Variants in CCDC30 observed in about 807,000 individuals in gnomAD.
CCDC30 encodes coiled-coil domain-containing protein 30.
Under a neutral mutation model 100.2 loss-of-function variants are expected in CCDC30, and 70 were observed. That is an observed-to-expected ratio of 0.70 (90% CI 0.58 to 0.85). CCDC30 has a LOEUF of 0.85. Ranked by LOEUF, CCDC30 falls within the 40% of genes least tolerant of loss-of-function variation. CCDC30 has a pLI of 0.00. For synonymous variants in CCDC30, 233 were observed against 269.5 expected, an observed-to-expected ratio of 0.86 and a Z score of 1.33; for missense variants, 652 against 771.2, an observed-to-expected ratio of 0.85 and a Z score of 1.83.
At chr1:42,456,550 G>T in the CCDC30 span, 1 of 1,453,512 alleles carries the variant, frequency 6.9e-7, no homozygotes. Flanking sequence ...CGCAGGCGCC[G>T]GCCGCTGCGC....
intron 6 of CCDC30, among the ~76,000 whole-genome samples, chr1:42,561,268 T>C (rs891854449): frequency 1.3e-5 from 2 of 152,166 alleles, no homozygotes; most frequent in Non-Finnish European, 2.9e-5. Flanking sequence ...ACAATTAAGC[T>C]GGCTTCATCA....
At chr1:42,616,365 G>A (rs1365512467) in intron 11 of CCDC30, among the ~76,000 whole-genome samples, 1 of 152,220 alleles carries the variant, frequency 6.6e-6, no homozygotes, top group Non-Finnish European at 1.5e-5. Flanking sequence ...CACAGGGTCT[G>A]TGGATCAATA....
At chr1:42,500,857 G>T (rs1644302680) in intron 6 of CCDC30, among the ~76,000 whole-genome samples, 1 of 152,126 alleles carries the variant, frequency 6.6e-6, no homozygotes, top group African/African-American at 2.4e-5. Flanking sequence ...TTCTTAAAGT[G>T]CTGGGATTAC....
intron 11 of CCDC30, among the ~76,000 whole-genome samples, chr1:42,614,718 C>T (rs1464291866): frequency 2.0e-5 from 3 of 150,388 alleles, no homozygotes; most frequent in Non-Finnish European, 4.4e-5. Context: ...GCCCAGGAGG[C>T]AGATATTGCA....
intron 6 of CCDC30, among the ~76,000 whole-genome samples, chr1:42,513,539 T>C (rs1451048638): frequency 6.6e-6 from 1 of 152,168 alleles, no homozygotes; most frequent in Non-Finnish European, 1.5e-5. Context: ...CCTTTTCCTA[T>C]TGGCACAACT....
intron 11 of CCDC30, among the ~76,000 whole-genome samples, chr1:42,635,245 C>T (rs1164932427): frequency 6.6e-6 from 1 of 151,964 alleles, no homozygotes; most frequent in Non-Finnish European, 1.5e-5. Context: ...GGGGTTTCAT[C>T]ATGTTGGCCA....
chr1:42,657,022 G>A (rs1648688491), downstream of CCDC30, among the ~76,000 whole-genome samples: 1 of 152,078 alleles, frequency 6.6e-6, no homozygotes, highest in African/African-American at 2.4e-5. Flanking sequence ...TCAGTTGGAG[G>A]AGACCAAGAG....
At chr1:42,625,523 T>A (rs1315805533) in intron 11 of CCDC30, among the ~76,000 whole-genome samples, 1 of 152,098 alleles carries the variant, frequency 6.6e-6, no homozygotes, top group Non-Finnish European at 1.5e-5. Flanking sequence ...TTACTGCTTT[T>A]GCTGTATCCC....
chr1:42,481,798 G>C (rs1052804492), intron 2 of CCDC30, among the ~76,000 whole-genome samples: 3 of 151,960 alleles, frequency 2.0e-5, no homozygotes, highest in Admixed American at 2.0e-4. Context: ...AGTATGGGAG[G>C]TAACCCAAGA....
At chr1:42,481,779 G>A (rs1414491324) in intron 2 of CCDC30, among the ~76,000 whole-genome samples, 1 of 151,936 alleles carries the variant, frequency 6.6e-6, no homozygotes, top group African/African-American at 2.4e-5. Flanking sequence ...AGTGTACACT[G>A]TGAATTTAAG....
the CCDC30 span, chr1:42,457,129 A>C: frequency 6.3e-7 from 1 of 1,580,112 alleles, no homozygotes; most frequent in South Asian, 1.2e-5. Flanking sequence ...CTTTCCAGCC[A>C]CTTATCCCCT....
chr1:42,473,014 GACTAGTACTCTAATA>G (rs1643819614), intron 1 of CCDC30: 1 of 1,023,466 alleles, frequency 9.8e-7, no homozygotes, highest in Non-Finnish European at 1.2e-6. Flanking sequence ...GTACCCTAAA[GACTAGTACTCTAATA>G]AGGAGACTAA....
intron 6 of CCDC30, among the ~76,000 whole-genome samples, chr1:42,546,398 AAATATATATATATATATAT>A (rs1295256453): frequency 0.21 from 4,851 of 22,752 alleles, 594 homozygotes; most frequent in South Asian, 0.34. Context: ...AAAAAAAAAA[AAATATATATATATATATAT>A]ATATATATAT....
intron 6 of CCDC30, among the ~76,000 whole-genome samples, chr1:42,508,319 A>G (rs1644426406): frequency 1.3e-5 from 2 of 152,190 alleles, no homozygotes; most frequent in Non-Finnish European, 2.9e-5. Flanking sequence ...GGCAACCCAA[A>G]GGCAATCAGC....
At chr1:42,607,555 T>TA (rs60204912) in intron 10 of CCDC30, among the ~76,000 whole-genome samples, 1,364 of 89,754 alleles carry the variant, frequency 0.015, 24 homozygotes, top group Admixed American at 0.074. Flanking sequence ...CTTGTCTCTA[T>TA]AAAAAAAAAA....
chr1:42,552,604 A>G (rs548368176), intron 6 of CCDC30, among the ~76,000 whole-genome samples: 1 of 148,342 alleles, frequency 6.7e-6, no homozygotes, highest in African/African-American at 2.4e-5. Context: ...AAATGGAAAA[A>G]TTTTAAAAAA....
chr1:42,518,267 G>T (rs910855800), intron 6 of CCDC30, among the ~76,000 whole-genome samples: 3 of 151,886 alleles, frequency 2.0e-5, no homozygotes, highest in African/African-American at 7.3e-5. Context: ...TTTCCAGATT[G>T]TTCATTGTTA....
intron 6 of CCDC30, among the ~76,000 whole-genome samples, chr1:42,533,029 T>A (rs1377898759): frequency 6.6e-6 from 1 of 152,234 alleles, no homozygotes; most frequent in Admixed American, 6.5e-5. Context: ...AGTGCTGGGA[T>A]TACAGGCGTG....
At chr1:42,507,216 C>T (rs542532942) in intron 6 of CCDC30, among the ~76,000 whole-genome samples, 25 of 152,252 alleles carry the variant, frequency 1.6e-4, no homozygotes, top group African/African-American at 4.1e-4. Flanking sequence ...CATGAGCCAC[C>T]GTGCCCAGCC....
Sources: allele counts gnomAD v4.1 joint callset (sites outside exome capture counted in the v4.1 genomes callset), GRCh38; gene constraint gnomAD v4.1.1; transcripts MANE v1.5; gene names NCBI Gene and HGNC (gene_info 2026-07-23, HGNC 2026-07-21).